BBS10: variants seen among roughly 807,000 people sequenced by gnomAD.
The protein encoded by BBS10 is BBSome complex assembly protein BBS10.
In BBS10, 13 loss-of-function variants were observed where a neutral mutation model predicts 12.7. The observed-to-expected ratio is 1.03, with a 90% CI of 0.67 to 1.63. The LOEUF (loss-of-function observed/expected upper bound fraction) is 1.63, where lower values mean the gene tolerates loss of function less well. BBS10 is among the 40% of genes most tolerant of loss of function. The probability of loss-of-function intolerance (pLI) is 0.00; values close to 1 mark genes in which losing one functional copy is unlikely to be tolerated. For missense variants in BBS10, 858 were observed against 858.0 expected, an observed-to-expected ratio of 1.00 and a Z score of 0.00; for synonymous variants, 294 against 304.8, an observed-to-expected ratio of 0.96 and a Z score of 0.37.
Position 76,346,553 on chromosome 12 carries a change from C to T in BBS10, c.1432G>A (p.Asp478Asn). 1.2e-6 allele frequency: 2 copies of T among 1,614,090 alleles called. No homozygotes were observed. Among genetic ancestry groups the T allele is most frequent in the Non-Finnish European group, 1.7e-6 (2 of 1,179,986 alleles). ...TATGTTTGAGTTTTTTCCAATGCAT[C>T]TTTGTTCTCTGCAACTGTGTCCTGA... ...PYQDTVAENKDALEKTQTYLK... is the reference protein window; with the variant it reads ...PYQDTVAENKNALEKTQTYLK... The change falls in exon 2 of 2, where the codon GAT becomes AAT. Residue 478 changes from aspartate to asparagine, a missense_variant. Physicochemically the swap from Asp to Asn is conservative, Grantham distance 23 (BLOSUM62 1). Transcript: ENST00000650064.
rs758730453 is a variant in BBS10 at position 76,345,993 on chromosome 12, T to C, written c.1992A>G (p.Ala664=). The C allele has an allele frequency of 1.1e-5, 17 of 1,613,966 alleles. No individual in the cohort carries two copies. The South Asian group carries it at 1.6e-4, about 16-fold the overall frequency. ...TTACCAAGGGTTGATTGGTTTGCAG[T>C]GCATGGACAGCTCTTATATATGTAT... ...FPHTYIRAVH[A]LQTNQPLVSS... The change falls in exon 2 of 2, where the codon GCA becomes GCG. Residue 664 remains alanine (A), a synonymous_variant. Transcript: ENST00000650064.
At position 76,346,492 on chromosome 12, in the gene BBS10, A is replaced by G; in HGVS notation, c.1493T>C (p.Val498Ala). 1 of 1,614,088 alleles carries G rather than the reference A, an allele frequency of 6.2e-7. No homozygotes were observed. ...KVHSNLVIPD[V>A]ELETYIPYST... ...ATACGGAATATATGTTTCTAATTCT[A>G]CATCTGGAATTACCAAATTAGAATG... is the stretch of plus-strand genomic sequence containing the variant. Residue 498 changes from valine to alanine, a missense_variant, in exon 2 of 2, where the codon GTA becomes GCA. By Grantham distance (64) the Val-to-Ala change is moderately conservative (BLOSUM62 0). Coordinates refer to ENST00000650064, the MANE Select transcript of BBS10 (RefSeq NM_024685.4).
Position 76,346,160 on chromosome 12 carries a change from A to G in BBS10, c.1825T>C (p.Leu609=), listed in dbSNP as rs2136089870. ...VLPVGGNFEI[L]LHYYLLNYAK... ...TAATTGAGAAGATAGTAATGTAACA[A>G]GATCTCAAAATTACCACCTACTGGC... The change falls in exon 2 of 2, where the codon TTG becomes CTG. Residue 609 remains leucine (L), a synonymous_variant. Coordinates refer to ENST00000650064, the MANE Select transcript of BBS10 (RefSeq NM_024685.4). The G allele has an allele frequency of 6.2e-7, 1 of 1,610,548 alleles. No individual in the cohort carries two copies. Among genetic ancestry groups the G allele is most frequent in the Non-Finnish European group, 8.5e-7 (1 of 1,179,032 alleles).
chr12:76,347,208 T>C lies in BBS10; in HGVS notation c.777A>G (p.Ile259Met). 1 of 1,611,794 alleles carries C rather than the reference T, an allele frequency of 6.2e-7. No individual in the cohort carries two copies. Among genetic ancestry groups the C allele is most frequent in the Non-Finnish European group, 8.5e-7 (1 of 1,179,956 alleles). The change falls in exon 2 of 2, where the codon ATA (isoleucine) becomes ATG (methionine). Residue 259 changes from isoleucine (I) to methionine (M), a missense_variant. By Grantham distance (10) the Ile-to-Met change is conservative. Coordinates refer to ENST00000650064, the MANE Select transcript of BBS10 (RefSeq NM_024685.4). ...AAAGAGGCTGAATGGTTTCTGTTACTATCACCATTCGCATGTCACCATCTG... is the reference window on the plus strand; with the variant it reads ...AAAGAGGCTGAATGGTTTCTGTTACCATCACCATTCGCATGTCACCATCTG... ...RPADGDMRMV[I>M]VTETIQPLFS...
rs1951768557 is a variant in BBS10 at position 76,347,481 on chromosome 12, G to C, written c.504C>G (p.Ser168Arg). ...SSAKERTLCR[S>R]SLELLLEAYF... Reference sequence around the variant, plus strand: ...ATGCTTCTAAGAGCAACTCTAAAGAGCTCCTACACAATGTTCTCTCTTTAG... The same window carrying C: ...ATGCTTCTAAGAGCAACTCTAAAGACCTCCTACACAATGTTCTCTCTTTAG... The change falls in exon 2 of 2, where the codon AGC (serine) becomes AGG (arginine). Residue 168 changes from serine (S) to arginine (R), a missense_variant. Ser to Arg is a moderately radical substitution (Grantham distance 110). Coordinates refer to ENST00000650064, the MANE Select transcript of BBS10 (RefSeq NM_024685.4). The C allele has an allele frequency of 6.2e-7, 1 of 1,613,588 alleles. No individual in the cohort carries two copies. Among genetic ancestry groups the C allele is most frequent in the East Asian group, 2.2e-5 (1 of 44,862 alleles).
chr12:76,347,431 TTTC>T lies in BBS10; in HGVS notation c.551_553del (p.Arg184del). ...CAACTGTGAAATAAATTTATGATTATTTCTTCCCACTCTTCCACAAAAGTATGC... is the reference window on the plus strand; with the variant it reads ...CAACTGTGAAATAAATTTATGATTATTTCCCACTCTTCCACAAAAGTATGC... On this transcript the variant is annotated inframe_deletion, in exon 2 of 2. Coordinates refer to ENST00000650064, the MANE Select transcript of BBS10 (RefSeq NM_024685.4). 1 of 1,613,932 alleles carries T rather than the reference TTTC, an allele frequency of 6.2e-7. No individual in the cohort carries two copies. Among genetic ancestry groups the T allele is most frequent in the Non-Finnish European group, 8.5e-7 (1 of 1,179,968 alleles).
Position 76,345,994 on chromosome 12 carries a change from G to A in BBS10, c.1991C>T (p.Ala664Val). ...FPHTYIRAVH[A>V]LQTNQPLVSS... Reference sequence around the variant, plus strand: ...TACCAAGGGTTGATTGGTTTGCAGTGCATGGACAGCTCTTATATATGTATG... The same window carrying A: ...TACCAAGGGTTGATTGGTTTGCAGTACATGGACAGCTCTTATATATGTATG... Residue 664 changes from alanine (A) to valine (V), a missense_variant, in exon 2 of 2, where the codon GCA becomes GTA. Physicochemically the swap from Ala to Val is moderately conservative, Grantham distance 64. Transcript: ENST00000650064. 2 of 1,614,016 alleles carry A rather than the reference G, an allele frequency of 1.2e-6. No homozygotes were observed. Among genetic ancestry groups the A allele is most frequent in the Non-Finnish European group, 1.7e-6 (2 of 1,179,928 alleles).
At position 76,346,055 on chromosome 12, in the gene BBS10, G is replaced by C; in HGVS notation, c.1930C>G (p.Leu644Val). 6.2e-7 allele frequency: 1 copy of C among 1,613,848 alleles called. No individual in the cohort carries two copies. Among genetic ancestry groups the C allele is most frequent in the Non-Finnish European group, 8.5e-7 (1 of 1,179,926 alleles). The change falls in exon 2 of 2, where the codon CTT (leucine) becomes GTT (valine). Residue 644 changes from leucine (L) to valine (V), a missense_variant. By Grantham distance (32) the Leu-to-Val change is conservative. Coordinates refer to ENST00000650064, the MANE Select transcript of BBS10 (RefSeq NM_024685.4). The stretch of plus-strand genomic sequence containing the variant: ...TACTTTCCTGTTTTAGATTTATAAA[G>C]GACTTTGGGAATGCCTAAAAGTGCA... ...ANALLGIPKV[L>V]YKSKTGKYSF...
rs1344583880 is a variant in BBS10, at chr12:76,346,226, G to C, written c.1759C>G (p.Gln587Glu). ...SCKLPNMGTS[Q>E]SYLSSSMPAG... ...GGCATAGATGAGGAAAGGTAACTCT[G>C]GGAAGTACCCATATTCGGTAACTTA... The change falls in exon 2 of 2, where the codon CAG (glutamine) becomes GAG (glutamate). Residue 587 changes from glutamine to glutamate, a missense_variant. Transcript: ENST00000650064. 6.2e-7 allele frequency: 1 copy of C among 1,611,790 alleles called. No homozygotes were observed. Among genetic ancestry groups the C allele is most frequent in the Non-Finnish European group, 8.5e-7 (1 of 1,179,142 alleles).
chr12:76,347,185 A>AC lies in BBS10; in HGVS notation c.799_800insG (p.Leu267ArgfsTer37). 1 of 1,611,182 alleles carries AC rather than the reference A, an allele frequency of 6.2e-7. No homozygotes were observed. The highest frequency in any genetic ancestry group is 8.5e-7 in the Non-Finnish European group (1 of 1,180,000). On this transcript the variant is annotated frameshift_variant, in exon 2 of 2. Transcript: ENST00000650064. LOFTEE classifies it low-confidence loss of function (END_TRUNC). ...AAACTCTGATCCAGAAGTGGAAAAAAGAGGCTGAATGGTTTCTGTTACTAT... is the reference window on the plus strand; with the variant it reads ...AAACTCTGATCCAGAAGTGGAAAAAACGAGGCTGAATGGTTTCTGTTACTAT...
In BBS10 at chr12:76,347,512, G is replaced by T. The variant is rs553291328; in HGVS notation, c.473C>A (p.Ser158Ter). The T allele has an allele frequency of 2.5e-6, 4 of 1,613,516 alleles. No homozygotes were observed. The highest frequency in any genetic ancestry group is 3.4e-6 in the Non-Finnish European group (4 of 1,179,948). The stretch of plus-strand genomic sequence containing the variant: ...ACACAATGTTCTCTCTTTAGCAGAC[G>T]AAAAGATAGACAAAAAGTGTCTACT... ...YLSRHFLSIF[S>*]SAKERTLCRS... Residue 158 changes from serine to a stop codon, truncating the protein, a stop_gained, in exon 2 of 2, where the codon TCG (serine) becomes TAG (stop). Transcript: ENST00000650064. LOFTEE classifies it low-confidence loss of function (END_TRUNC).
In BBS10 at chr12:76,345,809, G is replaced by A. The variant is rs772482454; in HGVS notation, c.*4C>T. 1 of 1,612,064 alleles carries A rather than the reference G, an allele frequency of 6.2e-7. No individual in the cohort carries two copies. The highest frequency in any genetic ancestry group is 1.1e-5 in the South Asian group (1 of 90,876). ...AAAGTTTGGTTAATTAAAAACTTCTGATGTTATAGTTCATCTTCTGAATCT... is the reference window on the plus strand; with the variant it reads ...AAAGTTTGGTTAATTAAAAACTTCTAATGTTATAGTTCATCTTCTGAATCT... On this transcript the variant is annotated 3_prime_UTR_variant, in exon 2 of 2. Coordinates refer to ENST00000650064, the MANE Select transcript of BBS10 (RefSeq NM_024685.4).
Position 76,346,342 on chromosome 12 carries a change from T to A in BBS10, c.1643A>T (p.Tyr548Phe). ...EPLLKNNSTA[Y>F]STRGNRIEIS... ...TTCTATTCTATTTCCCCTTGTTGAA[T>A]AAGCAGTGGAATTGTTCTTGAGTAA... The change falls in exon 2 of 2, where the codon TAT becomes TTT. Residue 548 changes from tyrosine to phenylalanine, a missense_variant. Physicochemically the swap from Tyr to Phe is conservative, Grantham distance 22. Coordinates refer to ENST00000650064, the MANE Select transcript of BBS10 (RefSeq NM_024685.4). The A allele has an allele frequency of 6.2e-7, 1 of 1,614,060 alleles. No individual in the cohort carries two copies. The highest frequency in any genetic ancestry group is 1.1e-5 in the South Asian group (1 of 91,074).
chr12:76,346,791 A>C lies in BBS10; in HGVS notation c.1194T>G (p.Val398=). 1 of 1,614,188 alleles carries C rather than the reference A, an allele frequency of 6.2e-7. No homozygotes were observed. The highest frequency in any genetic ancestry group is 8.5e-7 in the Non-Finnish European group (1 of 1,180,018). Residue 398 remains valine, a synonymous_variant, in exon 2 of 2, where the codon GTT becomes GTG. Coordinates refer to ENST00000650064, the MANE Select transcript of BBS10 (RefSeq NM_024685.4). ...STCAFIPHSI[V]LCGPVHGLIE... is the part of the protein sequence containing the mutation. The stretch of plus-strand genomic sequence containing the variant: ...TGAGACCATGCACTGGTCCACAAAG[A>C]ACTATAGAGTGTGGTATAAATGCAC...
At position 76,347,441 on chromosome 12, in the gene BBS10, C is replaced by G. The variant is rs890996897; in HGVS notation, c.544G>C (p.Val182Leu). 1.6e-5 allele frequency: 26 copies of G among 1,613,836 alleles called. No homozygotes were observed. The highest frequency in any genetic ancestry group is 2.2e-5 in the Non-Finnish European group (26 of 1,179,952). Residue 182 changes from valine (V) to leucine (L), a missense_variant, in exon 2 of 2, where the codon GTG becomes CTG. Val to Leu is a conservative substitution (Grantham distance 32, BLOSUM62 1). Coordinates refer to ENST00000650064, the MANE Select transcript of BBS10 (RefSeq NM_024685.4). ...ATAAATTTATGATTATTTCTTCCCA[C>G]TCTTCCACAAAAGTATGCTTCTAAG... is the stretch of plus-strand genomic sequence containing the variant. ...LLLEAYFCGR[V>L]GRNNHKFISQ...
At position 76,346,463 on chromosome 12, in the gene BBS10, T is replaced by C. The variant is rs577177579; in HGVS notation, c.1522A>G (p.Thr508Ala). The C allele has an allele frequency of 2.0e-5, 32 of 1,614,146 alleles. No individual in the cohort carries two copies. The Admixed American group carries it at 2.3e-4, about 12-fold the overall frequency. The change falls in exon 2 of 2, where the codon ACC (threonine) becomes GCC (alanine). Residue 508 changes from threonine to alanine, a missense_variant. Thr to Ala is a moderately conservative substitution (Grantham distance 58). Coordinates refer to ENST00000650064, the MANE Select transcript of BBS10 (RefSeq NM_024685.4). Reference protein sequence around the residue: ...VELETYIPYSTPTLTPTDTFQ... With the variant: ...VELETYIPYSAPTLTPTDTFQ... The stretch of plus-strand genomic sequence containing the variant: ...GTATCTGTTGGTGTCAGTGTGGGGG[T>C]TGAATACGGAATATATGTTTCTAAT...
In BBS10 at chr12:76,346,309, TAAG is replaced by T. The variant is rs748894736; in HGVS notation, c.1673_1675del (p.Ser558del). 3.1e-6 allele frequency: 5 copies of T among 1,613,874 alleles called. No individual in the cohort carries two copies. In the South Asian group the frequency reaches 5.5e-5, roughly 18 times the overall value. On this transcript the variant is annotated inframe_deletion, in exon 2 of 2. Coordinates refer to ENST00000650064, the MANE Select transcript of BBS10 (RefSeq NM_024685.4). ...AATATTTGTGACCTGTAAATTTTCG[TAAG>T]AAATTTCTATTCTATTTCCCCTTGT...
chr12:76,347,635 C>G lies in BBS10; in HGVS notation c.350G>C (p.Gly117Ala), dbSNP rs1951771611. The change falls in exon 2 of 2, where the codon GGA becomes GCA. Residue 117 changes from glycine to alanine, a missense_variant. Coordinates refer to ENST00000650064, the MANE Select transcript of BBS10 (RefSeq NM_024685.4). ...CCGAGAACAATTTTTCCAATGCCTT[C>G]CATGGGTTTGAATGTTTTCACACAT... Reference protein sequence around the residue: ...PLMCENIQTHGRHWKNCSRWK... With the variant: ...PLMCENIQTHARHWKNCSRWK... 6.2e-7 allele frequency: 1 copy of G among 1,613,764 alleles called. No homozygotes were observed. The highest frequency in any genetic ancestry group is 2.2e-5 in the East Asian group (1 of 44,854).
chr12:76,348,253 C>A lies in BBS10; in HGVS notation c.106G>T (p.Val36Phe), dbSNP rs896544129. ...SCCVGPEGRQ[V>F]LCTKPTGEVL... ...TCGCCAGTGGGCTTCGTACACAAAA[C>A]TTGCCGTCCCTCGGGCCCCACGCAG... Residue 36 changes from valine (V) to phenylalanine (F), a missense_variant, in exon 1 of 2, where the codon GTT (valine) becomes TTT (phenylalanine). By Grantham distance (50) the Val-to-Phe change is conservative. Transcript: ENST00000650064. 4.3e-6 allele frequency: 7 copies of A among 1,613,642 alleles called. No individual in the cohort carries two copies. In the African/African-American group the frequency reaches 8.0e-5, roughly 18 times the overall value.
Sources: allele counts gnomAD v4.1 joint callset, GRCh38; gene constraint gnomAD v4.1.1; transcripts MANE v1.5; gene names NCBI Gene and HGNC (gene_info 2026-07-23, HGNC 2026-07-21).